DGCR2: variants seen among roughly 807,000 people sequenced by gnomAD.
DGCR2 encodes the protein integral membrane protein DGCR2/IDD.
A neutral mutation model predicts 51.6 loss-of-function variants in DGCR2; 24 were observed. That is an observed-to-expected ratio of 0.47 (90% CI 0.34 to 0.65). The LOEUF is 0.65. Ranked by LOEUF, DGCR2 falls within the 30% of genes least tolerant of loss-of-function variation. DGCR2 has a pLI of 0.01. For missense variants in DGCR2, 765 were observed against 772.1 expected (o/e 0.99, Z 0.11); for synonymous variants, 340 against 315.4 (o/e 1.08, Z -0.82).
chr22:19,048,860 C>T (rs775792894), intron 6 of DGCR2, among the ~76,000 whole-genome samples: 3 of 152,348 alleles, frequency 2.0e-5, no homozygotes, highest in East Asian at 1.9e-4. Context: ...TGAGCAAACA[C>T]TGCCATCACT....
chr22:19,103,270 AC>A (rs2083223711), intron 1 of DGCR2, among the ~76,000 whole-genome samples: 1 of 149,088 alleles, frequency 6.7e-6, no homozygotes, highest in Non-Finnish European at 1.5e-5. Flanking sequence ...GTATAGAGTT[AC>A]CGTTTGGGAT....
chr22:19,058,388 C>T (rs866654396), intron 5 of DGCR2, among the ~76,000 whole-genome samples: 1 of 152,194 alleles, frequency 6.6e-6, no homozygotes, highest in Non-Finnish European at 1.5e-5. Flanking sequence ...AAGGGGCCCA[C>T]TGTCTGGAGT....
chr22:19,070,236 G>A (rs570407300), intron 2 of DGCR2, among the ~76,000 whole-genome samples: 65 of 152,302 alleles, frequency 4.3e-4, no homozygotes, highest in Non-Finnish European at 7.6e-4. Context: ...ACTTGGTGGA[G>A]AAGGGAAGAG....
At chr22:19,096,605 T>A (rs546670358) in intron 1 of DGCR2, among the ~76,000 whole-genome samples, 236 of 135,746 alleles carry the variant, frequency 1.7e-3, no homozygotes, top group African/African-American at 4.9e-3. Context: ...TAACAAAAAA[T>A]TTTTTTAAAG....
At chr22:19,105,646 T>C (rs555865194) in intron 1 of DGCR2, among the ~76,000 whole-genome samples, 3 of 152,168 alleles carry the variant, frequency 2.0e-5, no homozygotes, top group Admixed American at 1.3e-4. Flanking sequence ...GGATGTGCTA[T>C]AACTCCAGAA....
chr22:19,040,921 C>A (rs2082423405), intron 9 of DGCR2, 137 bp downstream of exon 9: 5 of 791,970 alleles, frequency 6.3e-6, no homozygotes, highest in Non-Finnish European at 9.7e-6. Context: ...CCAGGAGAAG[C>A]CTTAAAGGAA....
At chr22:19,067,901 T>C (rs1300466650) in intron 3 of DGCR2, among the ~76,000 whole-genome samples, 199 bp downstream of exon 3, 1 of 152,166 alleles carries the variant, frequency 6.6e-6, no homozygotes, top group Non-Finnish European at 1.5e-5. Context: ...GTTGACTTCC[T>C]AGGGCCTTGA....
intron 1 of DGCR2, among the ~76,000 whole-genome samples, chr22:19,117,959 T>G (rs1042171913): frequency 6.6e-6 from 1 of 152,214 alleles, no homozygotes; most frequent in African/African-American, 2.4e-5. Flanking sequence ...TTGGCAAGGC[T>G]AGGTGCAAGC....
intron 2 of DGCR2, among the ~76,000 whole-genome samples, chr22:19,083,653 C>A (rs1313730466): frequency 6.6e-6 from 1 of 151,392 alleles, no homozygotes; most frequent in Admixed American, 6.6e-5. Flanking sequence ...TGTTAATTCT[C>A]GTTTATATCA....
chr22:19,064,740 G>C, intron 4 of DGCR2, 108 bp downstream of exon 4: 1 of 1,104,632 alleles, frequency 9.1e-7, no homozygotes. Flanking sequence ...TTCCCAACCT[G>C]CTGTCTGCCA....
chr22:19,114,485 T>C (rs2083353077), intron 1 of DGCR2, among the ~76,000 whole-genome samples: 1 of 152,212 alleles, frequency 6.6e-6, no homozygotes, highest in Admixed American at 6.5e-5. Flanking sequence ...AGGCCTGCCA[T>C]GGCCCCCAAC....
At chr22:19,085,823 C>CA (rs1157885567) in intron 2 of DGCR2, among the ~76,000 whole-genome samples, 5 of 152,124 alleles carry the variant, frequency 3.3e-5, no homozygotes, top group African/African-American at 1.2e-4. Context: ...AAGTCTAGTT[C>CA]AAAAGCAACT....
intron 1 of DGCR2, among the ~76,000 whole-genome samples, chr22:19,103,815 G>A (rs959505050): frequency 7.3e-5 from 11 of 150,144 alleles, no homozygotes; most frequent in South Asian, 6.3e-4. Context: ...AGAAGCCAAG[G>A]TGGGAGGGTC....
chr22:19,062,644 A>G (rs1051737409), intron 5 of DGCR2, among the ~76,000 whole-genome samples: 1 of 152,050 alleles, frequency 6.6e-6, no homozygotes, highest in African/African-American at 2.4e-5. Context: ...TGCCAGGGCA[A>G]TGGGACAGGA....
chr22:19,055,463 C>A (rs1244929196), intron 6 of DGCR2, among the ~76,000 whole-genome samples: 2 of 152,264 alleles, frequency 1.3e-5, no homozygotes, highest in African/African-American at 4.8e-5. Flanking sequence ...ATGCTCACTA[C>A]CACCATTTCT....
chr22:19,054,119 T>C (rs941049261), intron 6 of DGCR2, among the ~76,000 whole-genome samples: 5 of 152,206 alleles, frequency 3.3e-5, no homozygotes, highest in Non-Finnish European at 7.3e-5. Context: ...ACTGGAATAA[T>C]GGATTGTGGA....
At chr22:19,102,810 A>AC (rs1272898720) in intron 1 of DGCR2, among the ~76,000 whole-genome samples, 1 of 152,114 alleles carries the variant, frequency 6.6e-6, no homozygotes, top group African/African-American at 2.4e-5. Flanking sequence ...GTTTGAGACC[A>AC]CCCCAGACAA....
chr22:19,103,915 T>C (rs1023389886), intron 1 of DGCR2, among the ~76,000 whole-genome samples: 14 of 151,782 alleles, frequency 9.2e-5, no homozygotes, highest in Non-Finnish European at 2.9e-5. Flanking sequence ...TATTTTTTAT[T>C]TTATTATGAG....
intron 6 of DGCR2, 88 bp from the exon 7 acceptor site, chr22:19,048,731 C>T (rs1402951695): frequency 1.5e-6 from 2 of 1,377,436 alleles, no homozygotes; most frequent in Non-Finnish European, 2.0e-6. Context: ...AAAAGGTAGC[C>T]TCCCCGTGTG....
Sources: allele counts gnomAD v4.1 joint callset (sites outside exome capture counted in the v4.1 genomes callset), GRCh38; gene constraint gnomAD v4.1.1; transcripts MANE v1.5; gene names NCBI Gene and HGNC (gene_info 2026-07-23, HGNC 2026-07-21).